Variants in CLIP1 observed in about 807,000 individuals in gnomAD.
CLIP1 encodes CAP-Gly domain containing linker protein 1, also known as CAP-Gly domain-containing linker protein 1.
In CLIP1, 66 loss-of-function variants were observed where a neutral mutation model predicts 161.6. The observed-to-expected ratio is 0.41, with a 90% CI of 0.33 to 0.50. The LOEUF is 0.50. CLIP1 is among the 20% of genes least tolerant of loss of function. The probability of loss-of-function intolerance (pLI) is 0.27; values close to 1 mark genes in which losing one functional copy is unlikely to be tolerated. For synonymous variants in CLIP1, 598 were observed against 626.2 expected, an observed-to-expected ratio of 0.96 and a Z score of 0.67; for missense variants, 1,376 against 1,702.0, an observed-to-expected ratio of 0.81 and a Z score of 3.37.
chr12:122,328,312 AG>A lies in CLIP1; in HGVS notation c.2981del (p.Ala994ValfsTer32). The A allele has an allele frequency of 6.2e-7, 1 of 1,613,970 alleles. No homozygotes were observed. The highest frequency in any genetic ancestry group is 8.5e-7 in the Non-Finnish European group (1 of 1,179,996). On this transcript the variant is annotated frameshift_variant, in exon 16 of 26. Coordinates refer to ENST00000620786, the MANE Select transcript of CLIP1 (RefSeq NM_001247997.2). LOFTEE classifies it high-confidence loss of function. ...CTTTCTTTTCTTCCTCATGCTTTTT[AG>A]CTGCTTCTTGCTGGCTCTGTTCAGC... ...VKAEQSQQEA[A>X]KKHEEEKKEL...
chr12:122,394,414 G>A (rs1047128119), intron 1 of CLIP1, among the ~76,000 whole-genome samples: 4 of 150,498 alleles, frequency 2.7e-5, no homozygotes, highest in African/African-American at 7.4e-5. Context: ...GTTTGAAGCC[G>A]GGAAGCGGAG....
chr12:122,275,644 G>GCACACACACACACACACACA (rs71082958), intron 24 of CLIP1: 5 of 147,538 alleles, frequency 3.4e-5, no homozygotes, highest in African/African-American at 1.0e-4. Context: ...ACACACACGC[G>GCACACACACACACACACACA]CACACACACA....
intron 12 of CLIP1, among the ~76,000 whole-genome samples, chr12:122,335,457 G>A (rs1299239943): frequency 6.6e-6 from 1 of 151,332 alleles, no homozygotes; most frequent in South Asian, 2.1e-4. Context: ...AAAAAGGCAA[G>A]GCATCCTAAA....
chr12:122,307,129 A>G (rs543174376), intron 20 of CLIP1, among the ~76,000 whole-genome samples: 96 of 146,994 alleles, frequency 6.5e-4, no homozygotes, highest in African/African-American at 2.4e-3. Context: ...CTCCCTCAGT[A>G]TCCCGAGTAG....
At chr12:122,375,129 T>C (rs1487425571) in intron 3 of CLIP1, among the ~76,000 whole-genome samples, 2 of 152,090 alleles carry the variant, frequency 1.3e-5, no homozygotes, top group Non-Finnish European at 2.9e-5. Flanking sequence ...GGGACTTAGT[T>C]TGTCTTCTTA....
At chr12:122,276,604 C>A in intron 24 of CLIP1, 1 of 633,534 alleles carries the variant, frequency 1.6e-6, no homozygotes, top group African/African-American at 1.9e-5. Flanking sequence ...TTTTGTGCCC[C>A]TCAAAGGAGG....
chr12:122,407,810 A>C (rs1054437287), intron 1 of CLIP1, among the ~76,000 whole-genome samples: 1 of 151,730 alleles, frequency 6.6e-6, no homozygotes. Flanking sequence ...CAAAGGAAAA[A>C]AGTTGGCATA....
At chr12:122,361,474 CAG>C (rs1953803418) in intron 4 of CLIP1, among the ~76,000 whole-genome samples, 1 of 152,204 alleles carries the variant, frequency 6.6e-6, no homozygotes, top group African/African-American at 2.4e-5. Context: ...AAATGTACAG[CAG>C]AGGAGTTTAG....
At chr12:122,371,736 G>A (rs1954462245) in intron 3 of CLIP1, among the ~76,000 whole-genome samples, 1 of 152,180 alleles carries the variant, frequency 6.6e-6, no homozygotes, top group East Asian at 1.9e-4. Flanking sequence ...CAGGCAGGTG[G>A]ACGGTTTCCT....
chr12:122,415,559 C>T (rs1278596362), intron 1 of CLIP1, among the ~76,000 whole-genome samples: 1 of 151,906 alleles, frequency 6.6e-6, no homozygotes, highest in Non-Finnish European at 1.5e-5. Flanking sequence ...TGGCTCACGC[C>T]TGTAATCCCA....
chr12:122,332,931 G>C (rs1952048718), intron 15 of CLIP1, 56 bp downstream of exon 15: 3 of 1,473,454 alleles, frequency 2.0e-6, no homozygotes, highest in South Asian at 1.3e-5. Flanking sequence ...CTCCCACCTA[G>C]AGCTTGCCGC....
At chr12:122,310,001 TATA>T in intron 19 of CLIP1, 119 bp from the exon 20 acceptor site, 2 of 1,101,882 alleles carry the variant, frequency 1.8e-6, no homozygotes, top group East Asian at 2.4e-5. Flanking sequence ...TGATAGGATC[TATA>T]ATAACAGCAG....
chr12:122,415,086 A>T (rs577905410), intron 1 of CLIP1, among the ~76,000 whole-genome samples: 5 of 151,954 alleles, frequency 3.3e-5, no homozygotes, highest in South Asian at 4.2e-4. Context: ...ATAATTTTTT[A>T]AAAAAACATA....
intron 12 of CLIP1, among the ~76,000 whole-genome samples, chr12:122,334,928 T>C (rs1157305555): frequency 1.3e-5 from 2 of 152,190 alleles, no homozygotes; most frequent in Non-Finnish European, 2.9e-5. Context: ...TGTATGGACA[T>C]GTGGGAAGGC....
upstream of CLIP1, among the ~76,000 whole-genome samples, chr12:122,422,846 G>A (rs1317339262): frequency 6.7e-6 from 1 of 150,298 alleles, no homozygotes; most frequent in Non-Finnish European, 1.5e-5. Context: ...CCTGGCCCCG[G>A]CGCGCCCGCC....
intron 20 of CLIP1, among the ~76,000 whole-genome samples, chr12:122,292,730 A>G (rs890170313): frequency 1.8e-4 from 27 of 152,224 alleles, no homozygotes; most frequent in African/African-American, 3.6e-4. Context: ...ATGGCCGGGC[A>G]CGGTGGCTCA....
At chr12:122,399,974 T>C (rs923455457) in intron 1 of CLIP1, 29 of 152,340 alleles carry the variant, frequency 1.9e-4, no homozygotes, top group African/African-American at 7.0e-4. Flanking sequence ...TATGTTCTCA[T>C]ATCATATTCC....
At chr12:122,404,403 C>T (rs1040395593) in intron 1 of CLIP1, among the ~76,000 whole-genome samples, 5 of 151,476 alleles carry the variant, frequency 3.3e-5, no homozygotes, top group African/African-American at 7.3e-5. Context: ...TCGAGACCTT[C>T]GGGCTGGCCA....
chr12:122,334,252 C>T, intron 13 of CLIP1, 142 bp from the exon 14 acceptor site: 1 of 633,798 alleles, frequency 1.6e-6, no homozygotes. Context: ...TTACAAATCA[C>T]ATGGCTGTGT....
Sources: allele counts gnomAD v4.1 joint callset (sites outside exome capture counted in the v4.1 genomes callset), GRCh38; gene constraint gnomAD v4.1.1; transcripts MANE v1.5; gene names NCBI Gene and HGNC (gene_info 2026-07-23, HGNC 2026-07-21).